Variants in ACSM6 observed in about 807,000 individuals in gnomAD.
The protein encoded by ACSM6 is acyl-CoA synthetase medium chain family member 6.
A neutral mutation model predicts 51.1 loss-of-function variants in ACSM6; 35 were observed. That is an observed-to-expected ratio of 0.69 (90% CI 0.52 to 0.91). The LOEUF is 0.91. Ranked by LOEUF, ACSM6 falls within the 40% of genes least tolerant of loss-of-function variation. The pLI, the probability that ACSM6 is intolerant of heterozygous loss-of-function variation, is 0.00. For synonymous variants in ACSM6, 172 were observed against 207.3 expected, an observed-to-expected ratio of 0.83 and a Z score of 1.46; for missense variants, 509 against 584.1, an observed-to-expected ratio of 0.87 and a Z score of 1.32.
intron 3 of ACSM6, among the ~76,000 whole-genome samples, chr10:95,206,507 G>T (rs1742602091): frequency 6.6e-6 from 1 of 152,196 alleles, no homozygotes; most frequent in Non-Finnish European, 1.5e-5. Context: ...TGAAGGTGCA[G>T]TATGTGGGAA....
intron 4 of ACSM6, among the ~76,000 whole-genome samples, chr10:95,209,720 G>A (rs1158577740): frequency 1.3e-5 from 2 of 151,586 alleles, no homozygotes; most frequent in East Asian, 1.9e-4. Context: ...TATAATTGAA[G>A]TTTTAAATTT....
chr10:95,201,653 C>A (rs562424966), intron 2 of ACSM6: 2 of 488,532 alleles, frequency 4.1e-6, no homozygotes, highest in Non-Finnish European at 8.0e-6. Flanking sequence ...ATAATGATTT[C>A]TTTTCTTTTG....
chr10:95,196,667 G>C (rs2133367513), intron 2 of ACSM6, among the ~76,000 whole-genome samples: 1 of 152,266 alleles, frequency 6.6e-6, no homozygotes, highest in East Asian at 1.9e-4. Context: ...CTTGTTACTT[G>C]ACTTGTTACT....
chr10:95,225,156 C>T, intron 9 of ACSM6, 134 bp from the exon 10 acceptor site: 2 of 668,550 alleles, frequency 3.0e-6, no homozygotes, highest in South Asian at 3.8e-5. Context: ...TGCCCAGTAT[C>T]TAAGTACACC....
intron 3 of ACSM6, among the ~76,000 whole-genome samples, chr10:95,206,151 C>T (rs1460049755): frequency 1.3e-5 from 2 of 152,156 alleles, no homozygotes; most frequent in Non-Finnish European, 2.9e-5. Flanking sequence ...CATTAGCAGT[C>T]CCTCCCTATT....
rs776462503 is a variant in ACSM6 at position 95,212,844 on chromosome 10, C to T, written c.913-14C>T. ...TCACATGCAGATTTTGTTTTTCCTT[C>T]CTTTGGGGCCCAGGTCCTGTCCAGA... On this transcript the variant is annotated splice_polypyrimidine_tract_variant and intron_variant, in intron 6 of 10. Transcript: ENST00000341686. 1.9e-6 allele frequency: 3 copies of T among 1,606,194 alleles called. No individual in the cohort carries two copies. Among genetic ancestry groups the T allele is most frequent in the Admixed American group, 1.7e-5 (1 of 59,990 alleles).
chr10:95,202,220 G>GT (rs754035653), intron 3 of ACSM6, 25 bp downstream of exon 3: 132 of 1,534,172 alleles, frequency 8.6e-5, no homozygotes, highest in Non-Finnish European at 1.1e-4. Flanking sequence ...ACGGACCCCA[G>GT]GGGTTGGAGG....
At chr10:95,226,182 T>G (rs1177620623) in intron 10 of ACSM6, 1 of 152,214 alleles carries the variant, frequency 6.6e-6, no homozygotes, top group African/African-American at 2.4e-5. Flanking sequence ...GTGTAACAAT[T>G]TGAGACTCTG....
intron 8 of ACSM6, among the ~76,000 whole-genome samples, chr10:95,216,556 G>C (rs1347454862): frequency 6.6e-6 from 1 of 152,130 alleles, no homozygotes; most frequent in Non-Finnish European, 1.5e-5. Flanking sequence ...GTAAATTATA[G>C]ACAACAAAGA....
chr10:95,228,433 G>A lies in ACSM6; in HGVS notation c.1303-211G>A. 1 of 453,492 alleles carries A rather than the reference G, an allele frequency of 2.2e-6. No individual in the cohort carries two copies. The highest frequency in any genetic ancestry group is 3.7e-6 in the Non-Finnish European group (1 of 267,268). The allele number at this position is 453,492 out of a possible 1,614,324, so 28.1% of individuals were successfully genotyped here. On this transcript the variant is annotated intron_variant, in intron 10 of 10. Coordinates refer to ENST00000341686, the Ensembl canonical transcript of ACSM6. ...GCCATCATTACTCTTGTTTCTAGCT[G>A]GGACAAAAAAAAAAAAGCTGAAGTT...
chr10:95,228,372 C>G, intron 10 of ACSM6: 1 of 332,308 alleles, frequency 3.0e-6, no homozygotes, highest in East Asian at 5.4e-5. Context: ...TCCATGTTGC[C>G]TCATTTAAGC....
intron 2 of ACSM6, among the ~76,000 whole-genome samples, chr10:95,195,739 G>T (rs2034718619): frequency 6.6e-6 from 1 of 151,626 alleles, no homozygotes; most frequent in Non-Finnish European, 1.5e-5. Flanking sequence ...ACCCGCTTTG[G>T]GAGGAGTAAG....
intron 2 of ACSM6, among the ~76,000 whole-genome samples, chr10:95,198,477 C>G (rs2034757838): frequency 6.6e-6 from 1 of 152,008 alleles, no homozygotes; most frequent in Admixed American, 6.5e-5. Flanking sequence ...ATGGTGAAAC[C>G]CCATCTCTAC....
At chr10:95,205,161 C>G (rs1025866098) in intron 3 of ACSM6, among the ~76,000 whole-genome samples, 1 of 152,126 alleles carries the variant, frequency 6.6e-6, no homozygotes, top group Non-Finnish European at 1.5e-5. Context: ...TATCTGTAAA[C>G]AAAATGAAAA....
chr10:95,216,729 T>C (rs183129499), intron 8 of ACSM6, among the ~76,000 whole-genome samples: 56 of 151,970 alleles, frequency 3.7e-4, no homozygotes, highest in African/African-American at 1.3e-3. Context: ...AAAAAATAAG[T>C]AGAAACCTCT....
chr10:95,218,451 A>T (rs541710867), intron 8 of ACSM6, among the ~76,000 whole-genome samples: 1 of 152,296 alleles, frequency 6.6e-6, no homozygotes, highest in South Asian at 2.1e-4. Context: ...CACCAGGACT[A>T]AAAAAACTCT....
chr10:95,207,304 C>T, exon 4 of ACSM6: 1 of 1,614,152 alleles, frequency 6.2e-7, no homozygotes, highest in Non-Finnish European at 8.5e-7. Flanking sequence ...GCTAATGAAG[C>T]TATGGCCCCA....
chr10:95,210,899 AG>A (rs1418644399), intron 5 of ACSM6, 106 bp downstream of exon 5: 11 of 1,315,242 alleles, frequency 8.4e-6, no homozygotes, highest in Admixed American at 7.8e-5. Context: ...TCAAGACTGC[AG>A]AAAGTGTCAA....
intron 3 of ACSM6, among the ~76,000 whole-genome samples, chr10:95,205,794 A>C (rs1321942935): frequency 6.6e-6 from 1 of 152,228 alleles, no homozygotes; most frequent in African/African-American, 2.4e-5. Context: ...TTATCTAAAG[A>C]AAGATACTTC....
Sources: allele counts gnomAD v4.1 joint callset (sites outside exome capture counted in the v4.1 genomes callset), GRCh38; gene constraint gnomAD v4.1.1; transcripts MANE v1.5; gene names NCBI Gene and HGNC (gene_info 2026-07-23, HGNC 2026-07-21).